The following ACBD6 variants were observed in gnomAD, a reference collection of about 807,000 sequenced individuals.
ACBD6 encodes acyl-CoA binding domain containing 6.
ACBD6 carries 28 observed loss-of-function variants against 37.2 expected under a neutral mutation model. The observed-to-expected ratio is 0.75, with a 90% CI of 0.56 to 1.03. The LOEUF is 1.03. Among genes scored for constraint, ACBD6 ranks in the 50% least tolerant of loss-of-function variants. ACBD6 has a pLI of 0.00. For missense variants in ACBD6, 340 were observed against 337.4 expected (o/e 1.01, Z -0.06); for synonymous variants, 113 against 126.8 (o/e 0.89, Z 0.73).
At chr1:180,465,682 A>C (rs1650322022) in intron 3 of ACBD6, among the ~76,000 whole-genome samples, 1 of 152,196 alleles carries the variant, frequency 6.6e-6, no homozygotes, top group African/African-American at 2.4e-5. Flanking sequence ...GAGGAATATA[A>C]AGCATTTTAC....
At chr1:180,348,018 G>C (rs1240095981) in intron 6 of ACBD6, among the ~76,000 whole-genome samples, 1 of 151,948 alleles carries the variant, frequency 6.6e-6, no homozygotes, top group Non-Finnish European at 1.5e-5. Context: ...TCTCTCTTAG[G>C]CATTTCCATC....
chr1:180,423,406 T>C (rs10913992), intron 4 of ACBD6, among the ~76,000 whole-genome samples: 16,326 of 152,182 alleles, frequency 0.11, 1,281 homozygotes, highest in African/African-American at 0.21. Flanking sequence ...AATGGCAACA[T>C]CTTCTTCTAC....
chr1:180,416,234 A>AT (rs1648090316), intron 4 of ACBD6, among the ~76,000 whole-genome samples: 1 of 152,154 alleles, frequency 6.6e-6, no homozygotes, highest in Non-Finnish European at 1.5e-5. Flanking sequence ...ATCTACAGCA[A>AT]TATCATTCCA....
At chr1:180,271,095 C>G in exon 14 of ACBD6, 1 of 500,744 alleles carries the variant, frequency 2.0e-6, no homozygotes, top group Non-Finnish European at 3.7e-6. Context: ...TACATTCAAT[C>G]TGATGAGACT....
intron 6 of ACBD6, among the ~76,000 whole-genome samples, chr1:180,391,581 G>T (rs911261364): frequency 1.3e-5 from 2 of 152,074 alleles, no homozygotes; most frequent in African/African-American, 4.8e-5. Flanking sequence ...TCAAGGAAAT[G>T]AAAATCAAAA....
At chr1:180,276,961 C>CTAA (rs1425642685) in intron 9 of ACBD6, 2 of 152,234 alleles carry the variant, frequency 1.3e-5, no homozygotes, top group African/African-American at 4.8e-5. Flanking sequence ...CTCATTTATA[C>CTAA]TAATAATATA....
intron 3 of ACBD6, among the ~76,000 whole-genome samples, chr1:180,445,511 T>G (rs1649439882): frequency 6.6e-6 from 1 of 152,234 alleles, no homozygotes; most frequent in African/African-American, 2.4e-5. Flanking sequence ...ATCTAAGATA[T>G]CCTCAATTAT....
At chr1:180,376,811 T>C (rs574270584) in intron 6 of ACBD6, among the ~76,000 whole-genome samples, 1 of 152,226 alleles carries the variant, frequency 6.6e-6, no homozygotes, top group African/African-American at 2.4e-5. Context: ...GATGCTCATA[T>C]CTATAGTAAT....
chr1:180,430,374 A>C, intron 3 of ACBD6, 112 bp from the exon 4 acceptor site: 1 of 904,716 alleles, frequency 1.1e-6, no homozygotes. Flanking sequence ...TTTTACCCTC[A>C]ACCATCTCTT....
chr1:180,430,047 G>T (rs1365041777), intron 4 of ACBD6, 133 bp downstream of exon 4: 3 of 744,148 alleles, frequency 4.0e-6, no homozygotes, highest in African/African-American at 1.8e-5. Flanking sequence ...AAGAAGGAAT[G>T]CTTCACAAAT....
chr1:180,333,601 C>T (rs578255978), intron 6 of ACBD6, among the ~76,000 whole-genome samples: 32 of 152,284 alleles, frequency 2.1e-4, no homozygotes, highest in Non-Finnish European at 4.3e-4. Flanking sequence ...ACGCAGAAGA[C>T]GGGTGATTTC....
chr1:180,285,267 C>A (rs1649448820), downstream of ACBD6, among the ~76,000 whole-genome samples: 1 of 152,040 alleles, frequency 6.6e-6, no homozygotes, highest in Admixed American at 6.6e-5. Flanking sequence ...TACGATATGC[C>A]ATTGTTTATA....
In ACBD6 at chr1:180,495,208, T is replaced by C. The variant is rs945912534; in HGVS notation, c.287+253A>G. On this transcript the variant is annotated intron_variant, in intron 2 of 7. Transcript: ENST00000367595. ...GGAAAATCTCAAGCAATAGCTCTCA[T>C]GGTATTAAAATGTAAGGCATGTATG... is the stretch of plus-strand genomic sequence containing the variant. Among the ~76,000 whole-genome samples the C allele has an allele frequency of 2.0e-5, 3 of 152,306 alleles. No individual in the cohort carries two copies. In the East Asian group the frequency reaches 5.8e-4, roughly 29 times the overall value.
At chr1:180,442,880 T>A (rs918242328) in intron 3 of ACBD6, among the ~76,000 whole-genome samples, 2 of 152,204 alleles carry the variant, frequency 1.3e-5, no homozygotes, top group African/African-American at 4.8e-5. Context: ...GAATATATAG[T>A]ATATATTTGT....
intron 3 of ACBD6, among the ~76,000 whole-genome samples, chr1:180,438,668 T>C (rs942137398): frequency 6.6e-6 from 1 of 152,220 alleles, no homozygotes; most frequent in Non-Finnish European, 1.5e-5. Flanking sequence ...ACCTCTCACA[T>C]GTATACAACT....
At chr1:180,462,242 TA>T (rs879940461) in intron 3 of ACBD6, among the ~76,000 whole-genome samples, 150 of 146,064 alleles carry the variant, frequency 1.0e-3, no homozygotes, top group Admixed American at 2.1e-3. Flanking sequence ...GTCTCAAAAA[TA>T]AAAAAAAAAG....
At chr1:180,478,984 A>T (rs1343708514) in intron 3 of ACBD6, among the ~76,000 whole-genome samples, 1 of 152,006 alleles carries the variant, frequency 6.6e-6, no homozygotes, top group Admixed American at 6.6e-5. Flanking sequence ...GAAAAAGAAA[A>T]TTCGCTGGTG....
chr1:180,436,254 T>C (rs1649030094), intron 3 of ACBD6, among the ~76,000 whole-genome samples: 2 of 152,184 alleles, frequency 1.3e-5, no homozygotes, highest in Admixed American at 1.3e-4. Flanking sequence ...TGTAAATTCA[T>C]ATTGAGTAAA....
chr1:180,296,193 C>T (rs894092504), intron 7 of ACBD6, among the ~76,000 whole-genome samples: 1 of 152,176 alleles, frequency 6.6e-6, no homozygotes, highest in African/African-American at 2.4e-5. Flanking sequence ...AAAGTCTAAT[C>T]CACAGCAAGG....
Sources: gnomAD v4.1 joint callset for allele counts (sites outside exome capture counted in the v4.1 genomes callset) on GRCh38, gnomAD v4.1.1 for gene constraint, MANE v1.5 for transcripts, NCBI Gene and HGNC (gene_info 2026-07-23, HGNC 2026-07-21) for gene names.